The following MVP variants were observed in gnomAD, a reference collection of about 807,000 sequenced individuals.
The protein encoded by MVP is lung resistance-related protein.
MVP carries 62 observed loss-of-function variants against 83.5 expected under a neutral mutation model. The ratio of observed to expected loss-of-function variants is 0.74; its 90% CI spans 0.61 to 0.92. MVP has a LOEUF of 0.92. Ranked by LOEUF, MVP falls within the 40% of genes least tolerant of loss-of-function variation. The pLI is 0.00. For synonymous variants in MVP, 505 were observed against 504.1 expected (o/e 1.00, Z -0.02); for missense variants, 1,000 against 1,203.4 (o/e 0.83, Z 2.50).
At chr16:29,820,624 G>GGA (rs1194194358) in intron 1 of MVP, 114 bp downstream of exon 1, 1 of 152,310 alleles carries the variant, frequency 6.6e-6, no homozygotes, top group African/African-American at 2.4e-5. Flanking sequence ...GCTGGGGCAG[G>GGA]GAAAACATGT....
chr16:29,831,323 T>C (rs990083284), intron 3 of MVP, among the ~76,000 whole-genome samples: 1 of 152,040 alleles, frequency 6.6e-6, no homozygotes, highest in African/African-American at 2.4e-5. Context: ...CCGGCTAATT[T>C]TTGTATTTTT....
chr16:29,830,709 G>A (rs1476075184), intron 2 of MVP, 35 bp downstream of exon 2: 2 of 1,609,618 alleles, frequency 1.2e-6, no homozygotes, highest in Non-Finnish European at 1.7e-6. Context: ...GGGATCCTTG[G>A]GGATGTGGGG....
In MVP at chr16:29,841,743, C is replaced by T; in HGVS notation, c.1339C>T (p.Gln447Ter). ...TGAGAAGGACACAGCTAAGAGCCTC[C>T]AGCCCTTGGCGCCCCGGAACAAGAC... ...RGEKDTAKSL[Q>*]PLAPRNKTRV... Residue 447 changes from glutamine to a stop codon, truncating the protein, a stop_gained, in exon 9 of 15, where the codon CAG becomes TAG. Coordinates refer to ENST00000357402, the MANE Select transcript of MVP (RefSeq NM_005115.5). LOFTEE classifies it high-confidence loss of function. This position sits in a 1 kb window ranked among gnomAD's most constrained non-coding sequence, Gnocchi z 4.7. The T allele has an allele frequency of 6.2e-7, 1 of 1,613,436 alleles. No homozygotes were observed. Among genetic ancestry groups the T allele is most frequent in the Non-Finnish European group, 8.5e-7 (1 of 1,179,824 alleles).
At chr16:29,820,674 C>T (rs1487174436) in intron 1 of MVP, among the ~76,000 whole-genome samples, 164 bp downstream of exon 1, 1 of 152,122 alleles carries the variant, frequency 6.6e-6, no homozygotes, top group Non-Finnish European at 1.5e-5. Context: ...GGTGGCTTTG[C>T]TTTTGGAGGT....
intron 7 of MVP, 104 bp downstream of exon 7, chr16:29,837,062 A>G: frequency 2.9e-6 from 3 of 1,047,986 alleles, no homozygotes; most frequent in Non-Finnish European, 4.1e-6. Flanking sequence ...TTCTAGGAAC[A>G]CCTTCTGTGC....
chr16:29,845,083 G>A (rs2067572604), intron 11 of MVP, among the ~76,000 whole-genome samples: 1 of 151,958 alleles, frequency 6.6e-6, no homozygotes, highest in South Asian at 2.1e-4. Flanking sequence ...AGCACTGTGA[G>A]AGGCTGAGGC....
At chr16:29,834,221 T>TC in intron 5 of MVP, 155 bp downstream of exon 5, 8 of 1,012,918 alleles carry the variant, frequency 7.9e-6, no homozygotes, top group Non-Finnish European at 1.1e-5. Flanking sequence ...TGCTCTTCCT[T>TC]CCCCACCCCC....
Position 29,834,036 on chromosome 16 carries a change from T to C in MVP, c.547T>C (p.Trp183Arg). The change falls in exon 5 of 15, where the codon TGG (tryptophan) becomes CGG (arginine). Residue 183 changes from tryptophan (W) to arginine (R), a missense_variant. By Grantham distance (101) the Trp-to-Arg change is moderately radical (BLOSUM62 -3). Transcript: ENST00000357402. ...ALRLRARKEC[W>R]DRDGKERVTG... The stretch of plus-strand genomic sequence containing the variant: ...GCGGCTCAGGGCCCGCAAGGAGTGC[T>C]GGGACCGGGACGGCAAGGAGAGGGT... 16 of 1,613,928 alleles carry C rather than the reference T, an allele frequency of 9.9e-6. No individual in the cohort carries two copies. The highest frequency in any genetic ancestry group is 1.4e-5 in the Non-Finnish European group (16 of 1,179,918).
rs374784477 is a variant in MVP at position 29,845,847 on chromosome 16, G to C, written c.2022-16G>C. 1 of 1,611,674 alleles carries C rather than the reference G, an allele frequency of 6.2e-7. No homozygotes were observed. The highest frequency in any genetic ancestry group is 1.3e-5 in the African/African-American group (1 of 74,992). On this transcript the variant is annotated splice_polypyrimidine_tract_variant and intron_variant, in intron 11 of 14. Coordinates refer to ENST00000357402, the MANE Select transcript of MVP (RefSeq NM_005115.5). ...GGCCCCATGCCAGCCTCTCACCTGC[G>C]CTCCGTCTCCTCCAGGCATGAGGCT...
At chr16:29,824,211 CAAAAA>C (rs61338952) in intron 1 of MVP, among the ~76,000 whole-genome samples, 53 of 39,634 alleles carry the variant, frequency 1.3e-3, no homozygotes, top group Admixed American at 3.0e-3. Flanking sequence ...AACTCCATCT[CAAAAA>C]AAAAAAAAAA....
rs375677719 is a variant in MVP at position 29,827,146 on chromosome 16, A to C, written c.-35-3369A>C. ...GCAAGCCCCTGTGTTCCCAAACCGC[A>C]GAAGAGGGAGCTCTGATGTTAGACA... On this transcript the variant is annotated intron_variant, in intron 1 of 14. Transcript: ENST00000357402. Among the ~76,000 whole-genome samples, 23 of 152,274 alleles carry C rather than the reference A, an allele frequency of 1.5e-4. No homozygotes were observed. In the South Asian group the frequency reaches 4.8e-3, roughly 32 times the overall value.
chr16:29,845,718 A>G (rs2067578715), intron 11 of MVP, 145 bp from the exon 12 acceptor site: 1 of 638,154 alleles, frequency 1.6e-6, no homozygotes, highest in Non-Finnish European at 2.7e-6. Context: ...CGCGTATACC[A>G]TTCTGGGTTG....
Position 29,847,284 on chromosome 16 carries a change from C to T in MVP, c.2353C>T (p.Gln785Ter). The T allele has an allele frequency of 6.2e-7, 1 of 1,613,358 alleles. No homozygotes were observed. Among genetic ancestry groups the T allele is most frequent in the South Asian group, 1.1e-5 (1 of 91,036 alleles). ...AQLELEVSKA[Q>*]QLAEVEVKKF... is the part of the protein sequence containing the mutation. ...GCTGGAGCTGGAGGTGAGCAAGGCTCAGCAGCTGGCTGAGGTGGAGGTGAA... is the reference window on the plus strand; with the variant it reads ...GCTGGAGCTGGAGGTGAGCAAGGCTTAGCAGCTGGCTGAGGTGGAGGTGAA... Residue 785 changes from glutamine (Q) to a stop codon, truncating the protein, a stop_gained, in exon 14 of 15, where the codon CAG becomes TAG. Coordinates refer to ENST00000357402, the MANE Select transcript of MVP (RefSeq NM_005115.5). LOFTEE classifies it high-confidence loss of function.
chr16:29,835,817 G>A lies in MVP; in HGVS notation c.672+19G>A, dbSNP rs1352100469. On this transcript the variant is annotated intron_variant, in intron 6 of 14. Coordinates refer to ENST00000357402, the MANE Select transcript of MVP (RefSeq NM_005115.5). ...GGAAAAGGTTGGTGCTCTGGGGGCT[G>A]TGGTTTAAGGGACCTGGGGCTAGGG... The A allele has an allele frequency of 1.1e-5, 17 of 1,608,420 alleles. No individual in the cohort carries two copies. Among genetic ancestry groups the A allele is most frequent in the Non-Finnish European group, 1.4e-5 (16 of 1,176,192 alleles).
Position 29,847,350 on chromosome 16 carries a change from A to G in MVP, c.2419A>G (p.Ile807Val). ...QMTEAIGPST[I>V]RDLAVAGPEM... Reference sequence around the variant, plus strand: ...GACAGAGGCCATAGGCCCCAGCACCATCAGGGACCTTGCTGTGGCTGGGCC... The same window carrying G: ...GACAGAGGCCATAGGCCCCAGCACCGTCAGGGACCTTGCTGTGGCTGGGCC... The change falls in exon 14 of 15, where the codon ATC becomes GTC. Residue 807 changes from isoleucine (I) to valine (V), a missense_variant. Ile to Val is a conservative substitution (Grantham distance 29). Coordinates refer to ENST00000357402, the MANE Select transcript of MVP (RefSeq NM_005115.5). 1 of 1,581,312 alleles carries G rather than the reference A, an allele frequency of 6.3e-7. No homozygotes were observed. The highest frequency in any genetic ancestry group is 8.6e-7 in the Non-Finnish European group (1 of 1,166,378).
rs750207719 is a variant in MVP at position 29,830,430 on chromosome 16, C to A, written c.-35-85C>A. 686 of 1,220,944 alleles carry A rather than the reference C, an allele frequency of 5.6e-4. 7 individuals carry two copies. Among genetic ancestry groups the A allele is most frequent in the Non-Finnish European group, 1.2e-4 (102 of 856,242 alleles). The allele number at this position is 1,220,944 out of a possible 1,614,324, so 75.6% of individuals were successfully genotyped here. On this transcript the variant is annotated intron_variant, in intron 1 of 14. Coordinates refer to ENST00000357402, the MANE Select transcript of MVP (RefSeq NM_005115.5). ...CTGGCTGGAGGAGGTAGGGCCGTAT[C>A]CCACCCAGAGTCTGTCACCAGATTC...
intron 10 of MVP, among the ~76,000 whole-genome samples, 177 bp downstream of exon 10, chr16:29,842,289 AGTTTTTTG>A (rs536299949): frequency 1.6e-4 from 25 of 151,612 alleles, no homozygotes; most frequent in South Asian, 8.3e-4. Flanking sequence ...TTGTTTTTTT[AGTTTTTTG>A]GTTTTTTGGT....
intron 3 of MVP, 180 bp from the exon 4 acceptor site, chr16:29,833,553 T>A: frequency 1.8e-6 from 1 of 554,572 alleles, no homozygotes; most frequent in East Asian, 4.2e-5. Context: ...CAAGCAATCC[T>A]CCTACCTCAG....
rs559753728 is a variant in MVP, at chr16:29,834,077, C to A, written c.577+11C>A. Reference sequence around the variant, plus strand: ...AGGAGAGGGTGACAGGTGGGGTCACCAAGGGGCGATGATGGTGGGTGGGCA... The same window carrying A: ...AGGAGAGGGTGACAGGTGGGGTCACAAAGGGGCGATGATGGTGGGTGGGCA... On this transcript the variant is annotated intron_variant, in intron 5 of 14. Coordinates refer to ENST00000357402, the MANE Select transcript of MVP (RefSeq NM_005115.5). 24 of 1,612,154 alleles carry A rather than the reference C, an allele frequency of 1.5e-5. No homozygotes were observed. The African/African-American group carries it at 2.5e-4, about 17-fold the overall frequency.
Sources: allele counts gnomAD v4.1 joint callset (sites outside exome capture counted in the v4.1 genomes callset), GRCh38; gene constraint gnomAD v4.1.1; non-coding constraint Gnocchi (gnomAD v3.1); transcripts MANE v1.5; gene names NCBI Gene and HGNC (gene_info 2026-07-23, HGNC 2026-07-21).